AK8: variants seen among roughly 807,000 people sequenced by gnomAD.
AK8 encodes the protein ATP-AMP transphosphorylase 8.
AK8 carries 44 observed loss-of-function variants against 54.6 expected under a neutral mutation model. The ratio of observed to expected loss-of-function variants is 0.81; its 90% CI spans 0.63 to 1.04. The LOEUF (loss-of-function observed/expected upper bound fraction) is 1.04. Among genes scored for constraint, AK8 ranks in the 50% least tolerant of loss-of-function variants. The pLI, the probability that AK8 is intolerant of heterozygous loss-of-function variation, is 0.00. For missense variants in AK8, 555 were observed against 613.6 expected (o/e 0.90, Z 1.01); for synonymous variants, 239 against 245.6 (o/e 0.97, Z 0.25).
intron 6 of AK8, 97 bp downstream of exon 6, chr9:132,828,548 G>A: frequency 9.3e-7 from 1 of 1,078,762 alleles, no homozygotes; most frequent in Non-Finnish European, 1.4e-6. Context: ...ACGGTGCCTG[G>A]GCTGAGGTCA....
At chr9:132,871,663 C>T (rs1564449615) in intron 2 of AK8, among the ~76,000 whole-genome samples, 1 of 152,220 alleles carries the variant, frequency 6.6e-6, no homozygotes, top group African/African-American at 2.4e-5. Context: ...GAGCCTAAGC[C>T]TCTGCTCGAG....
intron 11 of AK8, among the ~76,000 whole-genome samples, chr9:132,731,811 G>T (rs1014776886): frequency 6.6e-6 from 1 of 152,038 alleles, no homozygotes; most frequent in Non-Finnish European, 1.5e-5. Flanking sequence ...GAGGTGGGAG[G>T]ATCCCTTGAG....
intron 4 of AK8, among the ~76,000 whole-genome samples, chr9:132,862,494 A>C (rs192437149): frequency 1.3e-5 from 2 of 151,596 alleles, no homozygotes; most frequent in East Asian, 3.9e-4. Context: ...TGCGCACCTA[A>C]TTTTTTTGTA....
intron 11 of AK8, among the ~76,000 whole-genome samples, chr9:132,758,735 A>G (rs1234252524): frequency 1.3e-5 from 2 of 152,108 alleles, no homozygotes; most frequent in Admixed American, 6.6e-5. Context: ...TGGGGATTAC[A>G]GGCATGAGCC....
At chr9:132,804,572 T>A in intron 10 of AK8, among the ~76,000 whole-genome samples, 1 of 150,850 alleles carries the variant, frequency 6.6e-6, no homozygotes. Flanking sequence ...GGGAGGGGGG[T>A]GGGAGCAGGT....
intron 2 of AK8, among the ~76,000 whole-genome samples, chr9:132,872,151 T>C (rs1350485853): frequency 2.6e-5 from 4 of 151,848 alleles, no homozygotes; most frequent in Non-Finnish European, 5.9e-5. Context: ...CTGGGCAACA[T>C]AGTGAAACCC....
intron 3 of AK8, among the ~76,000 whole-genome samples, chr9:132,864,588 G>A (rs1438281997): frequency 6.6e-6 from 1 of 152,184 alleles, no homozygotes; most frequent in Non-Finnish European, 1.5e-5. Context: ...ACAGCATTGG[G>A]AAGAAGCCCT....
At chr9:132,796,057 C>T (rs1840156874) in intron 10 of AK8, among the ~76,000 whole-genome samples, 1 of 152,186 alleles carries the variant, frequency 6.6e-6, no homozygotes, top group South Asian at 2.1e-4. Flanking sequence ...AAGGTCATCC[C>T]ATTGACCTCT....
intron 11 of AK8, among the ~76,000 whole-genome samples, chr9:132,750,140 C>T (rs1182237382): frequency 6.6e-6 from 1 of 151,900 alleles, no homozygotes; most frequent in African/African-American, 2.4e-5. Flanking sequence ...TCCTTCACCT[C>T]TTCTCATGGG....
At position 132,790,175 on chromosome 9, in the gene AK8, A is replaced by G. The variant is rs377542442; in HGVS notation, c.1121+2459T>C. On this transcript the variant is annotated intron_variant, in intron 11 of 12. Coordinates refer to ENST00000298545, the MANE Select transcript of AK8 (RefSeq NM_152572.3). This position sits in a 1 kb window ranked among gnomAD's most constrained non-coding sequence, Gnocchi z 4.1. ...ATAATTTATAATACCAATGTGTCAA[A>G]AAGGAAAAACAATTTTAAAGGATGC... 6.4e-4 allele frequency among the ~76,000 whole-genome samples: 97 copies of G among 152,386 alleles called. No individual in the cohort carries two copies. Among genetic ancestry groups the G allele is most frequent in the African/African-American group, 2.3e-3 (95 of 41,590 alleles).
intron 11 of AK8, among the ~76,000 whole-genome samples, chr9:132,782,364 G>A (rs892934227): frequency 2.0e-5 from 3 of 152,040 alleles, no homozygotes; most frequent in Admixed American, 1.3e-4. Context: ...TCCCCAGTGC[G>A]TTTCATCTTC....
intron 9 of AK8, among the ~76,000 whole-genome samples, chr9:132,820,696 TCTGA>T (rs1564420244): frequency 1.3e-5 from 2 of 152,350 alleles, no homozygotes; most frequent in South Asian, 2.1e-4. Flanking sequence ...AGTGAGGTCT[TCTGA>T]TGAACTTTGT....
rs774438023 is a variant in AK8, at chr9:132,835,539, C to T, written c.403-6813G>A. Among the ~76,000 whole-genome samples the T allele has an allele frequency of 1.8e-4, 28 of 152,314 alleles. 1 individual carries two copies. Among genetic ancestry groups the T allele is most frequent in the East Asian group, 7.7e-4 (4 of 5,188 alleles). On this transcript the variant is annotated intron_variant, in intron 5 of 12. Transcript: ENST00000298545. ...CCTGGAAAGTATCAGTTTCTTGTAA[C>T]GGCGGAAAGCAGTGGCTTTGGAACC...
chr9:132,781,795 C>T lies in AK8; in HGVS notation c.1121+10839G>A, dbSNP rs1839481325. ...CCAGAATTACAGTCCTGATAGTCAT[C>T]CTGGTGCTAGGTGGATTCATTTTAG... On this transcript the variant is annotated intron_variant, in intron 11 of 12. Transcript: ENST00000298545. The surrounding 1 kb of genome is among the most constrained non-coding windows in gnomAD (Gnocchi z 4.6). 6.6e-6 allele frequency among the ~76,000 whole-genome samples: 1 copy of T among 152,150 alleles called. No individual in the cohort carries two copies. The highest frequency in any genetic ancestry group is 1.5e-5 in the Non-Finnish European group (1 of 68,038).
chr9:132,829,286 T>A (rs982281778), intron 5 of AK8, among the ~76,000 whole-genome samples: 16 of 151,952 alleles, frequency 1.1e-4, no homozygotes, highest in African/African-American at 3.9e-4. Flanking sequence ...TACCACACAA[T>A]AGCGACCACA....
intron 5 of AK8, among the ~76,000 whole-genome samples, chr9:132,850,897 T>TAAAAA (rs34133877): frequency 7.4e-6 from 1 of 135,330 alleles, no homozygotes; most frequent in African/African-American, 2.8e-5. Context: ...TAGGTGCATT[T>TAAAAA]AAAAAAAAAA....
chr9:132,844,297 C>CAAAAAAAAA (rs35309762), intron 5 of AK8, among the ~76,000 whole-genome samples: 53 of 92,564 alleles, frequency 5.7e-4, no homozygotes, highest in Admixed American at 1.0e-3. Flanking sequence ...TGCATTAGAC[C>CAAAAAAAAA]AAAAAAAAAA....
chr9:132,793,294 T>C (rs1180910198), intron 10 of AK8, among the ~76,000 whole-genome samples: 2 of 152,158 alleles, frequency 1.3e-5, no homozygotes, highest in Non-Finnish European at 2.9e-5. Context: ...TGTGACCTCA[T>C]CACCTCCCAA....
chr9:132,840,719 C>A (rs544581055), intron 5 of AK8, among the ~76,000 whole-genome samples: 4 of 152,094 alleles, frequency 2.6e-5, no homozygotes, highest in Non-Finnish European at 5.9e-5. Context: ...ATGGTGAAAT[C>A]CTGTCTCTAC....
Sources: gnomAD v4.1 joint callset for allele counts (sites outside exome capture counted in the v4.1 genomes callset) on GRCh38, gnomAD v4.1.1 for gene constraint, Gnocchi (gnomAD v3.1) non-coding constraint, MANE v1.5 for transcripts, NCBI Gene and HGNC (gene_info 2026-07-23, HGNC 2026-07-21) for gene names.